Variants in LRRTM4 observed in about 807,000 individuals in gnomAD.
LRRTM4 encodes leucine rich repeat transmembrane neuronal 4.
LRRTM4 carries 25 observed loss-of-function variants against 47.6 expected under a neutral mutation model. That is an observed-to-expected ratio of 0.53 (90% confidence interval 0.38 to 0.73). The LOEUF is 0.73. Ranked by LOEUF, LRRTM4 falls within the 30% of genes least tolerant of loss-of-function variation. The pLI is 0.00. For missense variants in LRRTM4, 638 were observed against 713.4 expected (o/e 0.89, Z 1.20); for synonymous variants, 311 against 269.5 (o/e 1.15, Z -1.51).
intron 3 of LRRTM4, among the ~76,000 whole-genome samples, chr2:76,810,489 T>C (rs1670701111): frequency 6.6e-6 from 1 of 152,206 alleles, no homozygotes; most frequent in Admixed American, 6.5e-5. Context: ...GTGCTTGTTT[T>C]AGCATATTAG....
At chr2:77,482,778 C>G (rs1053541133) in intron 3 of LRRTM4, among the ~76,000 whole-genome samples, 5 of 152,036 alleles carry the variant, frequency 3.3e-5, no homozygotes, top group African/African-American at 1.2e-4. Context: ...AACTGAAAAA[C>G]AGTAAAACTT....
At chr2:77,217,936 C>T (rs1674505701) in intron 3 of LRRTM4, among the ~76,000 whole-genome samples, 1 of 152,210 alleles carries the variant, frequency 6.6e-6, no homozygotes, top group South Asian at 2.1e-4. Flanking sequence ...GTACCTAGCA[C>T]AGAAAAAGTT....
chr2:76,896,776 A>C (rs1323110001), intron 3 of LRRTM4, among the ~76,000 whole-genome samples: 1 of 149,826 alleles, frequency 6.7e-6, no homozygotes, highest in African/African-American at 2.5e-5. Context: ...GCACTGTCTT[A>C]AGGGCAGTGA....
chr2:76,979,620 C>T (rs970490015), intron 3 of LRRTM4, among the ~76,000 whole-genome samples: 7 of 146,038 alleles, frequency 4.8e-5, no homozygotes, highest in East Asian at 2.0e-4. Flanking sequence ...GGAACTAGCA[C>T]GACATTTTAT....
rs367583554 is a variant in LRRTM4 at position 77,103,647 on chromosome 2, G to GTATATATATATATATA, written c.1552-354747_1552-354732dup. ...TCAGGAGAGTGTTATATACATGAGT[G>GTATATATATATATATA]TATATATATATATATAGATATATAT... On this transcript the variant is annotated intron_variant, in intron 3 of 3. Transcript: ENST00000409884. Among the ~76,000 whole-genome samples, 1,119 of 123,632 alleles carry GTATATATATATATATA rather than the reference G, an allele frequency of 9.1e-3. 22 individuals carry two copies. Among genetic ancestry groups the GTATATATATATATATA allele is most frequent in the African/African-American group, 0.032 (938 of 29,596 alleles). 81.1% of individuals were successfully genotyped at this position (123,632 alleles called of 152,430 possible).
chr2:76,945,627 A>T (rs988326824), intron 3 of LRRTM4, among the ~76,000 whole-genome samples: 2 of 152,142 alleles, frequency 1.3e-5, no homozygotes, highest in African/African-American at 4.8e-5. Context: ...TGCAACCCCC[A>T]TTCAAAGTTT....
intron 3 of LRRTM4, among the ~76,000 whole-genome samples, chr2:77,015,494 T>A (rs921277779): frequency 6.6e-6 from 1 of 151,850 alleles, no homozygotes; most frequent in African/African-American, 2.4e-5. Context: ...CCCAGCCAAT[T>A]TTTGTACTTC....
intron 3 of LRRTM4, among the ~76,000 whole-genome samples, chr2:77,373,800 C>T (rs904118818): frequency 9.9e-5 from 15 of 151,736 alleles, no homozygotes; most frequent in Admixed American, 2.6e-4. Context: ...GGGTTTCTTG[C>T]GGAGATACAT....
chr2:77,084,748 TGTC>T (rs1411804772), intron 3 of LRRTM4, among the ~76,000 whole-genome samples: 1 of 152,190 alleles, frequency 6.6e-6, no homozygotes, highest in African/African-American at 2.4e-5. Context: ...TTCATAATAT[TGTC>T]ATAAGAAACC....
chr2:77,415,705 T>C (rs1486836051), intron 3 of LRRTM4, among the ~76,000 whole-genome samples: 3 of 152,110 alleles, frequency 2.0e-5, no homozygotes, highest in Non-Finnish European at 4.4e-5. Context: ...GGTTACCTCC[T>C]AAAAATGTTT....
chr2:77,029,908 G>A (rs192104386), intron 3 of LRRTM4, among the ~76,000 whole-genome samples: 1 of 151,992 alleles, frequency 6.6e-6, no homozygotes, highest in Non-Finnish European at 1.5e-5. Flanking sequence ...TAGGGACTCA[G>A]GGGGAAATTA....
chr2:76,999,116 T>C (rs57624759), intron 3 of LRRTM4, among the ~76,000 whole-genome samples: 2 of 151,910 alleles, frequency 1.3e-5, no homozygotes, highest in Admixed American at 1.3e-4. Flanking sequence ...GGGTAGTGTG[T>C]GTGCATCATG....
intron 3 of LRRTM4, among the ~76,000 whole-genome samples, chr2:76,784,652 T>TAATGATC (rs1674577878): frequency 2.0e-5 from 3 of 152,114 alleles, no homozygotes; most frequent in Admixed American, 6.5e-5. Flanking sequence ...ATGATCAATG[T>TAATGATC]AATGTTCTCT....
intron 3 of LRRTM4, among the ~76,000 whole-genome samples, chr2:76,986,743 G>A (rs1473350994): frequency 1.3e-5 from 2 of 151,868 alleles, no homozygotes; most frequent in East Asian, 3.9e-4. Context: ...TAATGATATT[G>A]TTTGTACTCT....
At chr2:77,386,633 G>A (rs1023965390) in intron 3 of LRRTM4, among the ~76,000 whole-genome samples, 1 of 152,056 alleles carries the variant, frequency 6.6e-6, no homozygotes, top group Non-Finnish European at 1.5e-5. Context: ...GGGATTGCTG[G>A]GTCAAATGGT....
chr2:76,874,569 G>A (rs564211785), intron 3 of LRRTM4, among the ~76,000 whole-genome samples: 1 of 151,726 alleles, frequency 6.6e-6, no homozygotes, highest in Non-Finnish European at 1.5e-5. Flanking sequence ...GAATAGCTGT[G>A]TAAAGTCCTA....
chr2:77,236,538 G>A (rs1246960754), intron 3 of LRRTM4, among the ~76,000 whole-genome samples: 1 of 150,592 alleles, frequency 6.6e-6, no homozygotes, highest in Non-Finnish European at 1.5e-5. Context: ...TGACTGATCT[G>A]ACTACCACTT....
At chr2:77,363,230 A>G (rs2103750259) in intron 3 of LRRTM4, among the ~76,000 whole-genome samples, 1 of 152,322 alleles carries the variant, frequency 6.6e-6, no homozygotes, top group Non-Finnish European at 1.5e-5. Context: ...TAAAACTTAC[A>G]CAATGGCTCC....
At position 76,911,714 on chromosome 2, in the gene LRRTM4, GGTAGAAATGTCA is replaced by G. The variant is rs530365415; in HGVS notation, c.1552-162810_1552-162799del. On this transcript the variant is annotated intron_variant, in intron 3 of 3. Transcript: ENST00000409884. ...GGAGAGGAAGAGAAAGGGAGAGACA[GGTAGAAATGTCA>G]GTAGAAATGGAATAGGCCAATCACT... Among the ~76,000 whole-genome samples the G allele has an allele frequency of 8.7e-3, 1,328 of 152,152 alleles. 24 individuals carry two copies. Among genetic ancestry groups the G allele is most frequent in the African/African-American group, 0.029 (1,224 of 41,516 alleles).
Sources: gnomAD v4.1 joint callset for allele counts (sites outside exome capture counted in the v4.1 genomes callset) on GRCh38, gnomAD v4.1.1 for gene constraint, MANE v1.5 for transcripts, NCBI Gene and HGNC (gene_info 2026-07-23, HGNC 2026-07-21) for gene names.